The following EPHA3 variants were observed in gnomAD, a reference collection of about 807,000 sequenced individuals.
EPHA3 encodes ephrin type-A receptor 3.
EPHA3 carries 42 observed loss-of-function variants against 107.1 expected under a neutral mutation model. That is an observed-to-expected ratio of 0.39 (90% CI 0.31 to 0.51). The LOEUF (loss-of-function observed/expected upper bound fraction) is 0.51, where lower values mean the gene tolerates loss of function less well. EPHA3 is among the 20% of genes least tolerant of loss of function. EPHA3 has a pLI of 0.78. For synonymous variants in EPHA3, 461 were observed against 424.8 expected (o/e 1.09, Z -1.05); for missense variants, 1,183 against 1,211.2 (o/e 0.98, Z 0.35).
At chr3:89,130,780 G>A (rs1473248166) in intron 2 of EPHA3, among the ~76,000 whole-genome samples, 2 of 151,976 alleles carry the variant, frequency 1.3e-5, no homozygotes, top group Non-Finnish European at 2.9e-5. Flanking sequence ...GACTACAGGC[G>A]CCCGCCACCA....
chr3:89,167,517 G>T lies in EPHA3; in HGVS notation c.153+40244G>T, dbSNP rs546140763. 4.6e-5 allele frequency among the ~76,000 whole-genome samples: 7 copies of T among 152,086 alleles called. No homozygotes were observed. In the East Asian group the frequency reaches 1.4e-3, roughly 29 times the overall value. On this transcript the variant is annotated intron_variant, in intron 2 of 16. Coordinates refer to ENST00000336596, the MANE Select transcript of EPHA3 (RefSeq NM_005233.6). ...ACAAAAAAGAAATAGAAGCTAAAAT[G>T]CATCATCTTCAATTGTGTGTTATAC...
chr3:89,468,783 CAA>C, intron 15 of EPHA3, among the ~76,000 whole-genome samples: 1 of 152,188 alleles, frequency 6.6e-6, no homozygotes, highest in African/African-American at 2.4e-5. Context: ...TTGCTAGTGA[CAA>C]AGACTATTTC....
chr3:89,167,919 C>T (rs1319937508), intron 2 of EPHA3, among the ~76,000 whole-genome samples: 2 of 152,048 alleles, frequency 1.3e-5, no homozygotes, highest in Non-Finnish European at 1.5e-5. Flanking sequence ...TTATTATATA[C>T]ACATATATAC....
At chr3:89,118,153 A>T (rs1707298858) in intron 1 of EPHA3, among the ~76,000 whole-genome samples, 1 of 152,004 alleles carries the variant, frequency 6.6e-6, no homozygotes, top group South Asian at 2.1e-4. Flanking sequence ...CAAAAAGATA[A>T]ACTTAGAGGT....
chr3:89,208,399 A>AAAGGAAGGAAGGAAGGAAGG (rs11272670), intron 2 of EPHA3, among the ~76,000 whole-genome samples: 795 of 26,780 alleles, frequency 0.03, 181 homozygotes, highest in African/African-American at 0.04. Flanking sequence ...GAAAGAAAGA[A>AAAGGAAGGAAGGAAGGAAGG]AAGGAAGGAA....
intron 5 of EPHA3, among the ~76,000 whole-genome samples, chr3:89,387,479 G>A (rs1170908076): frequency 6.6e-6 from 1 of 152,138 alleles, no homozygotes; most frequent in East Asian, 1.9e-4. Flanking sequence ...GAGTAACTAT[G>A]TCAATTAAGC....
rs1006928840 is a variant in EPHA3 at position 89,362,108 on chromosome 3, T to A, written c.1306+20018T>A. On this transcript the variant is annotated intron_variant, in intron 5 of 16. Coordinates refer to ENST00000336596, the MANE Select transcript of EPHA3 (RefSeq NM_005233.6). ...TGAGATGACCTCACTTCTGAAATAA[T>A]GTTTCAGAATTGTTTCGTTTTAAAT... Among the ~76,000 whole-genome samples, 111 of 151,104 alleles carry A rather than the reference T, an allele frequency of 7.3e-4. 4 individuals are homozygous for A. The highest frequency in any genetic ancestry group is 4.0e-4 in the Admixed American group (6 of 15,070).
intron 2 of EPHA3, among the ~76,000 whole-genome samples, chr3:89,178,920 T>A (rs1288763974): frequency 4.6e-5 from 7 of 151,842 alleles, no homozygotes; most frequent in Non-Finnish European, 1.0e-4. Context: ...GTGTATTAAA[T>A]CATAATAAGG....
chr3:89,281,599 C>T (rs571406218), intron 3 of EPHA3, among the ~76,000 whole-genome samples: 18 of 152,012 alleles, frequency 1.2e-4, no homozygotes, highest in East Asian at 5.8e-4. Context: ...GTTTAATATT[C>T]GTATAAATAA....
chr3:89,340,877 T>A, intron 3 of EPHA3, 39 bp from the exon 4 acceptor site: 1 of 1,520,086 alleles, frequency 6.6e-7, no homozygotes, highest in Non-Finnish European at 8.8e-7. Flanking sequence ...TTCAAAAAAA[T>A]TATCACAGAC....
chr3:89,398,913 T>C (rs1427301994), intron 6 of EPHA3, among the ~76,000 whole-genome samples: 4 of 152,086 alleles, frequency 2.6e-5, no homozygotes, highest in Non-Finnish European at 2.9e-5. Context: ...GTGGATCTCC[T>C]GAGGTCAGCA....
At chr3:89,372,243 A>G (rs1708320964) in intron 5 of EPHA3, among the ~76,000 whole-genome samples, 1 of 151,582 alleles carries the variant, frequency 6.6e-6, no homozygotes. Flanking sequence ...AGGACATCCT[A>G]GGACAACTCA....
chr3:89,332,695 A>T (rs940056290), intron 3 of EPHA3, among the ~76,000 whole-genome samples: 3 of 152,184 alleles, frequency 2.0e-5, no homozygotes, highest in African/African-American at 7.2e-5. Context: ...AGACCCTGTC[A>T]GGCCTGGAAT....
intron 15 of EPHA3, 140 bp downstream of exon 15, chr3:89,450,510 TTTC>T: frequency 1.4e-6 from 1 of 732,014 alleles, no homozygotes; most frequent in Middle Eastern, 4.1e-4. Flanking sequence ...GTATTTCCCC[TTTC>T]TTTTTTAATC....
At chr3:89,268,682 G>A (rs976983429) in intron 3 of EPHA3, among the ~76,000 whole-genome samples, 1 of 151,870 alleles carries the variant, frequency 6.6e-6, no homozygotes. Context: ...CTTAACTGCT[G>A]ATTTTTTAGG....
At chr3:89,162,915 C>A (rs1405821773) in intron 2 of EPHA3, among the ~76,000 whole-genome samples, 1 of 152,210 alleles carries the variant, frequency 6.6e-6, no homozygotes, top group East Asian at 1.9e-4. Flanking sequence ...AGCATCCCAG[C>A]AGCCGGGGCT....
chr3:89,394,184 G>T (rs1372923868), intron 5 of EPHA3, among the ~76,000 whole-genome samples: 1 of 152,138 alleles, frequency 6.6e-6, no homozygotes, highest in Non-Finnish European at 1.5e-5. Flanking sequence ...GCCTACCGGG[G>T]AGAATCACTT....
chr3:89,353,674 C>T (rs1232022422), intron 5 of EPHA3, among the ~76,000 whole-genome samples: 1 of 151,288 alleles, frequency 6.6e-6, no homozygotes, highest in Non-Finnish European at 1.5e-5. Context: ...ATTAATGATG[C>T]CTCTCAGCCA....
At chr3:89,168,595 A>G (rs1326794971) in intron 2 of EPHA3, among the ~76,000 whole-genome samples, 1 of 152,070 alleles carries the variant, frequency 6.6e-6, no homozygotes, top group Non-Finnish European at 1.5e-5. Context: ...TAATTTCATG[A>G]CTAAATTAGA....
Sources: allele counts gnomAD v4.1 joint callset (sites outside exome capture counted in the v4.1 genomes callset), GRCh38; gene constraint gnomAD v4.1.1; transcripts MANE v1.5; gene names NCBI Gene and HGNC (gene_info 2026-07-23, HGNC 2026-07-21).